CNGA3: variants seen among roughly 807,000 people sequenced by gnomAD.
CNGA3 encodes the protein cyclic nucleotide-gated channel alpha-3.
Under a neutral mutation model 46.6 loss-of-function variants are expected in CNGA3, and 42 were observed. The observed-to-expected ratio is 0.90, with a 90% CI of 0.70 to 1.17. The LOEUF (loss-of-function observed/expected upper bound fraction) is 1.17. Ranked by LOEUF, CNGA3 falls within the 50% of genes most tolerant of loss-of-function variation. CNGA3 has a pLI of 0.00. For synonymous variants in CNGA3, 394 were observed against 369.4 expected (o/e 1.07, Z -0.76); for missense variants, 893 against 890.7 (o/e 1.00, Z -0.03).
intron 3 of CNGA3, 95 bp from the exon 4 acceptor site, chr2:98,380,080 G>C (rs201542326): frequency 1.4e-6 from 2 of 1,403,944 alleles, no homozygotes; most frequent in Non-Finnish European, 2.0e-6. Context: ...GACAGACAGA[G>C]AGGGAGGGAG....
intron 3 of CNGA3, 151 bp downstream of exon 3, chr2:98,377,951 T>A (rs937725): frequency 1.4e-5 from 19 of 1,338,438 alleles, no homozygotes; most frequent in Non-Finnish European, 1.9e-5. Context: ...AAACTATCAG[T>A]GAGTAATTTC....
At chr2:98,351,313 T>G (rs1234849711) in intron 1 of CNGA3, among the ~76,000 whole-genome samples, 5 of 152,152 alleles carry the variant, frequency 3.3e-5, no homozygotes. Flanking sequence ...AATTCCCACG[T>G]GTTGTGGGAG....
Position 98,396,881 on chromosome 2 carries a change from A to G in CNGA3, c.1711A>G (p.Ile571Val). 6.2e-7 allele frequency: 1 copy of G among 1,614,180 alleles called. No individual in the cohort carries two copies. Residue 571 changes from isoleucine (I) to valine (V), a missense_variant, in exon 8 of 8, where the codon ATT (isoleucine) becomes GTT (valine). Physicochemically the swap from Ile to Val is conservative, Grantham distance 29. Transcript: ENST00000272602. Reference protein sequence around the residue: ...GNRRTANIRSIGYSDLFCLSK... With the variant: ...GNRRTANIRSVGYSDLFCLSK... Reference sequence around the variant, plus strand: ...CCGCAGGACGGCCAACATCCGCAGCATTGGCTACTCAGACCTGTTCTGCCT... The same window carrying G: ...CCGCAGGACGGCCAACATCCGCAGCGTTGGCTACTCAGACCTGTTCTGCCT...
chr2:98,366,643 G>C (rs1328795129), intron 1 of CNGA3, among the ~76,000 whole-genome samples: 1 of 152,232 alleles, frequency 6.6e-6, no homozygotes, highest in Non-Finnish European at 1.5e-5. Context: ...TCTGGGTTTA[G>C]CCTAAAGAGG....
At chr2:98,375,234 C>T (rs1692378978) in intron 2 of CNGA3, among the ~76,000 whole-genome samples, 1 of 152,272 alleles carries the variant, frequency 6.6e-6, no homozygotes, top group African/African-American at 2.4e-5. Flanking sequence ...AATCTGGTCT[C>T]AGGATGTGCC....
chr2:98,347,017 C>G (rs1311198572), intron 1 of CNGA3: 1 of 152,120 alleles, frequency 6.6e-6, no homozygotes, highest in Non-Finnish European at 1.5e-5. Flanking sequence ...ACCCACTTCC[C>G]CGGCTCCAAG....
chr2:98,366,794 G>T (rs1692163376), intron 1 of CNGA3, among the ~76,000 whole-genome samples: 1 of 152,240 alleles, frequency 6.6e-6, no homozygotes, highest in African/African-American at 2.4e-5. Context: ...CCTTTCCCCA[G>T]GAGCTCGGTA....
intron 7 of CNGA3, among the ~76,000 whole-genome samples, chr2:98,393,546 T>A (rs891148823): frequency 5.3e-5 from 8 of 152,182 alleles, no homozygotes; most frequent in Non-Finnish European, 1.0e-4. Context: ...ATACACAGGC[T>A]GAGGCTTGCG....
chr2:98,361,013 T>TTTATG (rs1692019737), intron 1 of CNGA3, among the ~76,000 whole-genome samples: 1 of 114,078 alleles, frequency 8.8e-6, no homozygotes, highest in African/African-American at 3.0e-5. Context: ...TTTATTTTAT[T>TTTATG]TTATTTTATT....
chr2:98,366,305 C>A (rs1293043748), intron 1 of CNGA3, among the ~76,000 whole-genome samples: 1 of 152,210 alleles, frequency 6.6e-6, no homozygotes, highest in Non-Finnish European at 1.5e-5. Flanking sequence ...GGGCGCTGAC[C>A]TGATGCCGGC....
chr2:98,377,671 A>G lies in CNGA3; in HGVS notation c.102-16A>G, dbSNP rs2279859. 0.085 allele frequency: 135,958 copies of G among 1,607,010 alleles called. 6,199 individuals carry two copies. The highest frequency in any genetic ancestry group is 0.16 in the Middle Eastern group (850 of 5,434). On this transcript the variant is annotated splice_polypyrimidine_tract_variant and intron_variant, in intron 2 of 7. Coordinates refer to ENST00000272602, the MANE Select transcript of CNGA3 (RefSeq NM_001298.3). Reference sequence around the variant, plus strand: ...GCTTGAAATCAATTCTGCTTGCTGCATATCTGATTTCCTAGAGCCCACTCG... The same window carrying G: ...GCTTGAAATCAATTCTGCTTGCTGCGTATCTGATTTCCTAGAGCCCACTCG...
intron 6 of CNGA3, among the ~76,000 whole-genome samples, chr2:98,390,135 T>C (rs536972221): frequency 6.6e-6 from 1 of 151,470 alleles, no homozygotes; most frequent in East Asian, 1.9e-4. Context: ...GCTGCTACTA[T>C]TTTTTTCTTT....
chr2:98,349,244 T>C (rs1691719007), intron 1 of CNGA3, among the ~76,000 whole-genome samples: 1 of 151,952 alleles, frequency 6.6e-6, no homozygotes, highest in Non-Finnish European at 1.5e-5. Flanking sequence ...TGGTGAGCAC[T>C]GTCTCTGCCA....
intron 5 of CNGA3, among the ~76,000 whole-genome samples, chr2:98,386,826 G>A (rs1039875357): frequency 3.9e-5 from 6 of 152,182 alleles, no homozygotes; most frequent in Admixed American, 3.3e-4. Flanking sequence ...CTCGAAAGGT[G>A]CAGCCAGCAG....
chr2:98,378,178 G>A (rs4146045), intron 3 of CNGA3: 149,161 of 1,550,364 alleles, frequency 0.096, 12,525 homozygotes, highest in East Asian at 0.56. Flanking sequence ...AGTCTGAAAT[G>A]GCTCTGGCAG....
At chr2:98,376,774 T>G (rs1425596655) in intron 2 of CNGA3, among the ~76,000 whole-genome samples, 1 of 152,208 alleles carries the variant, frequency 6.6e-6, no homozygotes, top group Non-Finnish European at 1.5e-5. Context: ...ACTCATAGAC[T>G]GAAGTGCAAA....
At chr2:98,372,227 C>A (rs1692303907) in intron 2 of CNGA3, among the ~76,000 whole-genome samples, 1 of 152,242 alleles carries the variant, frequency 6.6e-6, no homozygotes, top group Non-Finnish European at 1.5e-5. Context: ...GGCCAGTGAC[C>A]TCCAAGCCCA....
intron 1 of CNGA3, among the ~76,000 whole-genome samples, chr2:98,350,260 T>C (rs1392534961): frequency 6.6e-6 from 1 of 152,208 alleles, no homozygotes; most frequent in East Asian, 1.9e-4. Flanking sequence ...ATCGAGTTGT[T>C]GTGGGGATTA....
chr2:98,381,213 G>C (rs1430921286), intron 4 of CNGA3, among the ~76,000 whole-genome samples: 1 of 152,140 alleles, frequency 6.6e-6, no homozygotes, highest in Non-Finnish European at 1.5e-5. Context: ...TGGAAGGGAG[G>C]AGAGGCAAGA....
Sources: allele counts gnomAD v4.1 joint callset (sites outside exome capture counted in the v4.1 genomes callset), GRCh38; gene constraint gnomAD v4.1.1; transcripts MANE v1.5; gene names NCBI Gene and HGNC (gene_info 2026-07-23, HGNC 2026-07-21).